Variants in SPMIP11 observed in about 807,000 individuals in gnomAD.
SPMIP11 encodes the protein sperm microtubule inner protein 11, also known as long intergenic non-protein coding RNA 935.
the SPMIP11 span, among the ~76,000 whole-genome samples, chr12:48,737,605 GGGTTTCT>G: frequency 8.8e-4 from 134 of 151,716 alleles, no homozygotes; most frequent in Non-Finnish European, 1.6e-3. Context: ...AGTAGAGACA[GGGTTTCT>G]CCATGTTGGC....
chr12:48,759,361 G>A, the SPMIP11 span: 2 of 701,334 alleles, frequency 2.9e-6, no homozygotes, highest in Non-Finnish European at 5.2e-6. Context: ...CATCATGCTA[G>A]GAGAAAAAAA....
chr12:48,737,263 T>C, the SPMIP11 span, among the ~76,000 whole-genome samples: 1 of 151,998 alleles, frequency 6.6e-6, no homozygotes, highest in African/African-American at 2.4e-5. Flanking sequence ...TGGAAACTTT[T>C]GATTTTCTTT....
the SPMIP11 span, among the ~76,000 whole-genome samples, chr12:48,750,109 T>G: frequency 6.7e-6 from 1 of 150,076 alleles, no homozygotes; most frequent in Admixed American, 6.6e-5. Flanking sequence ...CCCAGTACTT[T>G]GGGAGGCCGA....
At chr12:48,735,089 G>A in the SPMIP11 span, among the ~76,000 whole-genome samples, 1 of 151,830 alleles carries the variant, frequency 6.6e-6, no homozygotes, top group African/African-American at 2.4e-5. Flanking sequence ...TTTAGGAGCT[G>A]AGAGTGGCCC....
the SPMIP11 span, among the ~76,000 whole-genome samples, chr12:48,747,244 C>T: frequency 6.6e-6 from 1 of 152,058 alleles, no homozygotes. Context: ...CTGCCTCATC[C>T]TCCTCAAATG....
At chr12:48,745,606 T>A in the SPMIP11 span, among the ~76,000 whole-genome samples, 1 of 152,150 alleles carries the variant, frequency 6.6e-6, no homozygotes, top group Admixed American at 6.6e-5. Context: ...TCTCAATCAA[T>A]CAATTTCAGA....
At chr12:48,771,011 C>T in the SPMIP11 span, 1 of 1,591,892 alleles carries the variant, frequency 6.3e-7, no homozygotes, top group African/African-American at 1.3e-5. This position sits in a 1 kb window ranked among gnomAD's most constrained non-coding sequence, Gnocchi z 4.3. Flanking sequence ...GGCAAAGACC[C>T]CAGACCCAGC....
chr12:48,761,357 A>C, the SPMIP11 span, among the ~76,000 whole-genome samples: 1 of 151,830 alleles, frequency 6.6e-6, no homozygotes. Context: ...AGGCTGAGGC[A>C]GGAGAATCGC....
chr12:48,742,285 T>TTTTTTTTTC, the SPMIP11 span, among the ~76,000 whole-genome samples: 1 of 140,900 alleles, frequency 7.1e-6, no homozygotes, highest in African/African-American at 2.6e-5. Context: ...TTCCTTTTTT[T>TTTTTTTTTC]TTTTTTTTTT....
At chr12:48,736,758 T>A in the SPMIP11 span, among the ~76,000 whole-genome samples, 2 of 151,914 alleles carry the variant, frequency 1.3e-5, no homozygotes, top group African/African-American at 4.8e-5. Context: ...AGAAGCTTTA[T>A]AAGAATGCAT....
the SPMIP11 span, among the ~76,000 whole-genome samples, chr12:48,748,753 G>A: frequency 6.6e-6 from 1 of 152,060 alleles, no homozygotes; most frequent in African/African-American, 2.4e-5. Flanking sequence ...GAAAACAGAA[G>A]CAATTGGTAG....
At chr12:48,746,660 C>T in the SPMIP11 span, among the ~76,000 whole-genome samples, 332 of 152,096 alleles carry the variant, frequency 2.2e-3, 1 homozygote, top group Non-Finnish European at 3.5e-3. Flanking sequence ...CCACCATGCC[C>T]AGCCTATCCA....
At chr12:48,733,198 C>G in the SPMIP11 span, among the ~76,000 whole-genome samples, 1 of 151,456 alleles carries the variant, frequency 6.6e-6, no homozygotes, top group African/African-American at 2.4e-5. Context: ...CCTCAGCCTC[C>G]CGAGTAGCTG....
chr12:48,765,781 TG>T, the SPMIP11 span: 1 of 663,550 alleles, frequency 1.5e-6, no homozygotes, highest in Non-Finnish European at 2.7e-6. Flanking sequence ...GTAAACAGAC[TG>T]GACTAAAAGT....
chr12:48,752,903 C>A, the SPMIP11 span, among the ~76,000 whole-genome samples: 1 of 152,048 alleles, frequency 6.6e-6, no homozygotes, highest in African/African-American at 2.4e-5. Flanking sequence ...AACTATCGAC[C>A]TCAGGTGATC....
chr12:48,770,717 A>G, the SPMIP11 span: 1 of 1,575,732 alleles, frequency 6.3e-7, no homozygotes, highest in Non-Finnish European at 8.7e-7. Context: ...TCCCAGCTTC[A>G]CCTGGAAAAA....
the SPMIP11 span, among the ~76,000 whole-genome samples, chr12:48,736,638 T>C: frequency 8.0e-4 from 122 of 152,196 alleles, no homozygotes; most frequent in African/African-American, 2.8e-3. Flanking sequence ...TGCATAATTA[T>C]TGTCCTGGGA....
chr12:48,742,021 T>C, the SPMIP11 span, among the ~76,000 whole-genome samples: 44 of 152,294 alleles, frequency 2.9e-4, no homozygotes, highest in African/African-American at 9.9e-4. Context: ...ATTTCTGTGA[T>C]AATTGCAAAA....
the SPMIP11 span, among the ~76,000 whole-genome samples, chr12:48,741,135 C>G: frequency 2.7e-5 from 4 of 149,346 alleles, no homozygotes; most frequent in Non-Finnish European, 5.9e-5. Flanking sequence ...AATGGCTCAC[C>G]ACAACGTATG....
Sources: allele counts gnomAD v4.1 joint callset (sites outside exome capture counted in the v4.1 genomes callset), GRCh38; gene constraint gnomAD v4.1.1; non-coding constraint Gnocchi (gnomAD v3.1); transcripts MANE v1.5; gene names NCBI Gene and HGNC (gene_info 2026-07-23, HGNC 2026-07-21).